Variants in LAMA2 observed in about 807,000 individuals in gnomAD.
LAMA2 encodes laminin subunit alpha 2.
A neutral mutation model predicts 364.8 loss-of-function variants in LAMA2; 269 were observed. That is an observed-to-expected ratio of 0.74 (90% CI 0.67 to 0.82). The LOEUF (loss-of-function observed/expected upper bound fraction) is 0.82. Ranked by LOEUF, LAMA2 falls within the 40% of genes least tolerant of loss-of-function variation. The pLI, the probability that LAMA2 is intolerant of heterozygous loss-of-function variation, is 0.00. For synonymous variants in LAMA2, 1,379 were observed against 1,370.6 expected (o/e 1.01, Z -0.14); for missense variants, 3,807 against 3,873.2 (o/e 0.98, Z 0.45).
intron 32 of LAMA2, among the ~76,000 whole-genome samples, chr6:129,362,545 C>T (rs1259479303): frequency 6.6e-6 from 1 of 152,084 alleles, no homozygotes; most frequent in African/African-American, 2.4e-5. Flanking sequence ...GTTTTGATAC[C>T]CTTCTCTCAC....
At chr6:129,323,496 A>C (rs763759151) in intron 28 of LAMA2, among the ~76,000 whole-genome samples, 1 of 152,144 alleles carries the variant, frequency 6.6e-6, no homozygotes, top group South Asian at 2.1e-4. Context: ...TGTTAGTTTT[A>C]GAAATGCCTA....
intron 3 of LAMA2, among the ~76,000 whole-genome samples, chr6:129,081,779 GTTC>G (rs1463432966): frequency 1.3e-5 from 2 of 152,108 alleles, no homozygotes; most frequent in Middle Eastern, 6.5e-3. Context: ...AGGATTTAAA[GTTC>G]TTATTACTTA....
chr6:129,112,372 T>A (rs1776208480), intron 4 of LAMA2, among the ~76,000 whole-genome samples: 1 of 152,012 alleles, frequency 6.6e-6, no homozygotes, highest in African/African-American at 2.4e-5. Context: ...CATAGAAAGA[T>A]AAACTTTTGT....
At position 129,393,292 on chromosome 6, in the gene LAMA2, G is replaced by A. The variant is rs770714925; in HGVS notation, c.5445+37G>A. On this transcript the variant is annotated intron_variant, in intron 37 of 64. Coordinates refer to ENST00000421865, the MANE Select transcript of LAMA2 (RefSeq NM_000426.4). ...GGGCACTTTTATCTTAATCTCAGAA[G>A]GTTGGGGACTGCGGGGGCAGTGTTG... 20 of 1,499,116 alleles carry A rather than the reference G, an allele frequency of 1.3e-5. No individual in the cohort carries two copies. The African/African-American group carries it at 2.3e-4, about 18-fold the overall frequency. The allele number at this position is 1,499,116 out of a possible 1,614,324, so 92.9% of individuals were successfully genotyped here.
chr6:129,502,859 T>C (rs1389583697), intron 59 of LAMA2, 88 bp downstream of exon 59: 1 of 927,652 alleles, frequency 1.1e-6, no homozygotes, highest in Non-Finnish European at 1.8e-6. Flanking sequence ...ACTACACTTA[T>C]TAATTAATGA....
chr6:129,122,968 T>C (rs920657233), intron 4 of LAMA2, among the ~76,000 whole-genome samples: 55 of 152,120 alleles, frequency 3.6e-4, no homozygotes, highest in African/African-American at 1.3e-3. Flanking sequence ...TCAACCATTA[T>C]GGAAGGAAAA....
At chr6:129,249,063 G>A (rs530303373) in intron 12 of LAMA2, among the ~76,000 whole-genome samples, 23 of 152,222 alleles carry the variant, frequency 1.5e-4, no homozygotes, top group East Asian at 5.8e-4. Context: ...TTAATCAGCC[G>A]TAGCGAGCTA....
intron 56 of LAMA2, among the ~76,000 whole-genome samples, chr6:129,488,166 C>T (rs917319875): frequency 1.3e-5 from 2 of 151,962 alleles, no homozygotes; most frequent in Non-Finnish European, 2.9e-5. Context: ...AAACATTAGC[C>T]AGACATGGTG....
chr6:129,255,345 G>A (rs1218179189), intron 14 of LAMA2, among the ~76,000 whole-genome samples: 1 of 141,720 alleles, frequency 7.1e-6, no homozygotes, highest in Non-Finnish European at 1.5e-5. Flanking sequence ...TGTGGAGGTT[G>A]CAGTGAGCCG....
intron 1 of LAMA2, among the ~76,000 whole-genome samples, chr6:129,049,686 A>C (rs1255712890): frequency 1.3e-5 from 2 of 152,192 alleles, no homozygotes; most frequent in Non-Finnish European, 2.9e-5. Context: ...GAGATAAAAA[A>C]TTAAAAAGAG....
chr6:129,223,629 G>T (rs565434615), intron 12 of LAMA2, among the ~76,000 whole-genome samples: 1 of 152,236 alleles, frequency 6.6e-6, no homozygotes, highest in South Asian at 2.1e-4. Flanking sequence ...TTTTTGTCAG[G>T]TTTGTCAAAG....
At chr6:129,030,179 A>G (rs1300680895) in intron 1 of LAMA2, among the ~76,000 whole-genome samples, 1 of 152,100 alleles carries the variant, frequency 6.6e-6, no homozygotes, top group Non-Finnish European at 1.5e-5. Flanking sequence ...CACTTTGAGT[A>G]TCTTTGAAAC....
chr6:129,488,159 C>T (rs9492331), intron 56 of LAMA2, among the ~76,000 whole-genome samples: 10,718 of 151,936 alleles, frequency 0.071, 987 homozygotes, highest in African/African-American at 0.22. Flanking sequence ...AATGCAAAAA[C>T]ATTAGCCAGA....
At chr6:128,936,864 C>T (rs961733305) in intron 1 of LAMA2, among the ~76,000 whole-genome samples, 2 of 152,056 alleles carry the variant, frequency 1.3e-5, no homozygotes, top group Non-Finnish European at 2.9e-5. Context: ...CTGCTTTGAG[C>T]GACCCTTGAT....
chr6:129,152,365 G>A (rs1034833036), intron 7 of LAMA2, among the ~76,000 whole-genome samples: 2 of 152,160 alleles, frequency 1.3e-5, no homozygotes, highest in Admixed American at 6.6e-5. Context: ...TCTACTAGAG[G>A]AAAAGTCATT....
rs1051516523 is a variant in LAMA2, at chr6:129,294,032, G to T, written c.2856+2312G>T. ...GTACTCCAAGAAGCAAATGCCAAGA[G>T]GTTTCCTGGGGGAAAGGCCAACGAA... On this transcript the variant is annotated intron_variant, in intron 20 of 64. Coordinates refer to ENST00000421865, the MANE Select transcript of LAMA2 (RefSeq NM_000426.4). 2.6e-5 allele frequency among the ~76,000 whole-genome samples: 4 copies of T among 152,164 alleles called. 1 individual carries two copies. The highest frequency in any genetic ancestry group is 3.9e-4 in the East Asian group (2 of 5,190).
intron 1 of LAMA2, among the ~76,000 whole-genome samples, chr6:128,946,773 G>A (rs930658228): frequency 2.0e-5 from 3 of 152,150 alleles, no homozygotes; most frequent in Non-Finnish European, 1.5e-5. Flanking sequence ...CCAGCGCCCA[G>A]TTGGAACATT....
intron 12 of LAMA2, among the ~76,000 whole-genome samples, chr6:129,235,991 A>T (rs1340169969): frequency 6.6e-6 from 1 of 152,208 alleles, no homozygotes; most frequent in Non-Finnish European, 1.5e-5. Context: ...CTCATGTTAG[A>T]AAATTTCCCT....
At chr6:129,430,439 CG>C (rs1781533380) in intron 41 of LAMA2, among the ~76,000 whole-genome samples, 1 of 152,124 alleles carries the variant, frequency 6.6e-6, no homozygotes, top group Non-Finnish European at 1.5e-5. Flanking sequence ...CTGAACTTGC[CG>C]GGAGCAATTT....
Sources: allele counts gnomAD v4.1 joint callset (sites outside exome capture counted in the v4.1 genomes callset), GRCh38; gene constraint gnomAD v4.1.1; transcripts MANE v1.5; gene names NCBI Gene and HGNC (gene_info 2026-07-23, HGNC 2026-07-21).